ZBTB20: variants seen among roughly 807,000 people sequenced by gnomAD.
ZBTB20 encodes zinc finger and BTB domain-containing protein 20.
Under a neutral mutation model 56.9 loss-of-function variants are expected in ZBTB20, and 9 were observed. The ratio of observed to expected loss-of-function variants is 0.16; its 90% CI spans 0.10 to 0.28. ZBTB20 has a LOEUF of 0.28. Among genes scored for constraint, ZBTB20 ranks in the 10% least tolerant of loss-of-function variants. The probability of loss-of-function intolerance (pLI) is 1.00; values close to 1 mark genes in which losing one functional copy is unlikely to be tolerated. For synonymous variants in ZBTB20, 417 were observed against 420.7 expected, an observed-to-expected ratio of 0.99 and a Z score of 0.11; for missense variants, 655 against 1,003.0, an observed-to-expected ratio of 0.65 and a Z score of 4.69.
chr3:114,872,194 C>A (rs558361530), intron 4 of ZBTB20, among the ~76,000 whole-genome samples: 1 of 152,160 alleles, frequency 6.6e-6, no homozygotes, highest in African/African-American at 2.4e-5. Context: ...ATTCTTTCTT[C>A]TTGCTAGATT....
chr3:114,475,777 T>C (rs958266574), intron 7 of ZBTB20, among the ~76,000 whole-genome samples: 5 of 152,188 alleles, frequency 3.3e-5, no homozygotes, highest in African/African-American at 1.2e-4. Context: ...AACATTCAAA[T>C]ATGTAGCATT....
chr3:114,730,473 C>T (rs2065652793), intron 5 of ZBTB20, among the ~76,000 whole-genome samples: 1 of 152,138 alleles, frequency 6.6e-6, no homozygotes, highest in Non-Finnish European at 1.5e-5. Flanking sequence ...GCCCTAAGCT[C>T]CTACCAACTG....
chr3:114,968,985 T>C (rs1435317802), intron 3 of ZBTB20, among the ~76,000 whole-genome samples: 1 of 152,152 alleles, frequency 6.6e-6, no homozygotes, highest in Admixed American at 6.5e-5. Flanking sequence ...GGCAGATCAT[T>C]GAAGATAATT....
chr3:114,640,241 T>C (rs748832530), intron 6 of ZBTB20, among the ~76,000 whole-genome samples: 1 of 152,066 alleles, frequency 6.6e-6, no homozygotes, highest in African/African-American at 2.4e-5. Flanking sequence ...TAAATTTGCA[T>C]GGAAGCTCCC....
intron 6 of ZBTB20, among the ~76,000 whole-genome samples, chr3:114,575,930 A>G (rs1187350668): frequency 6.6e-6 from 1 of 152,218 alleles, no homozygotes; most frequent in Non-Finnish European, 1.5e-5. Context: ...TAATTGACAG[A>G]AAAGGTATTT....
chr3:115,123,601 C>T (rs531582072), intron 1 of ZBTB20, among the ~76,000 whole-genome samples: 2 of 152,260 alleles, frequency 1.3e-5, no homozygotes, highest in African/African-American at 4.8e-5. Context: ...ATGGCAATGA[C>T]TGAGGGAAGT....
intron 6 of ZBTB20, among the ~76,000 whole-genome samples, chr3:114,654,573 T>C (rs1220959069): frequency 1.2e-4 from 18 of 152,104 alleles, no homozygotes; most frequent in Admixed American, 9.2e-4. Flanking sequence ...AGAACATACA[T>C]ACAGGACTCT....
intron 6 of ZBTB20, among the ~76,000 whole-genome samples, chr3:114,529,987 T>C (rs1410407127): frequency 1.3e-5 from 2 of 152,236 alleles, no homozygotes; most frequent in South Asian, 2.1e-4. Context: ...TAGTCTACAA[T>C]GGACCACATA....
At chr3:115,011,053 G>T (rs1283989027) in intron 2 of ZBTB20, among the ~76,000 whole-genome samples, 1 of 151,718 alleles carries the variant, frequency 6.6e-6, no homozygotes, top group Non-Finnish European at 1.5e-5. Flanking sequence ...TGGATCAAGC[G>T]GAAGAAAGAA....
intron 6 of ZBTB20, among the ~76,000 whole-genome samples, chr3:114,561,795 A>G (rs2052089381): frequency 6.6e-6 from 1 of 152,104 alleles, no homozygotes; most frequent in South Asian, 2.1e-4. Context: ...AGCTCCTAAC[A>G]AGACAGTAAG....
At chr3:114,379,005 T>A (rs1244178798) in intron 10 of ZBTB20, 1 of 152,242 alleles carries the variant, frequency 6.6e-6, no homozygotes, top group Non-Finnish European at 1.5e-5. Flanking sequence ...CAACCTTAAA[T>A]AGAACAAGCT....
chr3:114,593,127 G>C (rs1399982716), intron 6 of ZBTB20, among the ~76,000 whole-genome samples: 1 of 152,168 alleles, frequency 6.6e-6, no homozygotes, highest in Admixed American at 6.5e-5. Flanking sequence ...CAACGACACT[G>C]TCCCCTGGGA....
chr3:114,380,280 G>C lies in ZBTB20; in HGVS notation c.136C>G (p.Pro46Ala), dbSNP rs1314566227. 6 of 1,537,132 alleles carry C rather than the reference G, an allele frequency of 3.9e-6. No homozygotes were observed. Among genetic ancestry groups the C allele is most frequent in the Non-Finnish European group, 5.2e-6 (6 of 1,146,854 alleles). The change falls in exon 10 of 12, where the codon CCA becomes GCA. Residue 46 changes from proline (P) to alanine (A), a missense_variant. Pro to Ala is a conservative substitution (Grantham distance 27). Around this residue, in one of 10 missense-constraint regions of ZBTB20, gnomAD observed 79 missense variants for 78.4 expected, o/e 1.01. Coordinates refer to ENST00000675478, the MANE Select transcript of ZBTB20 (RefSeq NM_001348800.3). ...LNFEAVLSPD[P>A]ALIHSTHSLT... Reference sequence around the variant, plus strand: ...GAATGTGTTGAGTGGATGAGGGCTGGGTCTGGAGACAAAACAGCTTCAAAG... The same window carrying C: ...GAATGTGTTGAGTGGATGAGGGCTGCGTCTGGAGACAAAACAGCTTCAAAG...
intron 7 of ZBTB20, among the ~76,000 whole-genome samples, chr3:114,494,410 A>C (rs114627410): frequency 2.2e-3 from 339 of 152,252 alleles, no homozygotes; most frequent in African/African-American, 7.9e-3. Flanking sequence ...CATCTCACTC[A>C]GTACTTCCTC....
chr3:115,056,740 T>C (rs966598810), intron 2 of ZBTB20, among the ~76,000 whole-genome samples: 7 of 152,158 alleles, frequency 4.6e-5, no homozygotes, highest in African/African-American at 7.2e-5. Flanking sequence ...AGTTGTTTAA[T>C]AGTCAAATCT....
At chr3:114,635,365 G>A (rs573373694) in intron 6 of ZBTB20, among the ~76,000 whole-genome samples, 43 of 152,148 alleles carry the variant, frequency 2.8e-4, no homozygotes, top group Admixed American at 1.2e-3. Flanking sequence ...GTAGAGACTG[G>A]GAAAGGTAGC....
At chr3:114,820,300 T>C (rs2073166513) in intron 4 of ZBTB20, among the ~76,000 whole-genome samples, 1 of 152,066 alleles carries the variant, frequency 6.6e-6, no homozygotes, top group African/African-American at 2.4e-5. Flanking sequence ...GAGTATTTTA[T>C]GACTCAGAAT....
chr3:114,717,847 A>G (rs181956575), intron 5 of ZBTB20, among the ~76,000 whole-genome samples: 185 of 151,942 alleles, frequency 1.2e-3, no homozygotes, highest in African/African-American at 4.3e-3. Context: ...ACAATTTAAC[A>G]CGGATAACCG....
At chr3:114,472,638 G>T (rs1468664194) in intron 7 of ZBTB20, among the ~76,000 whole-genome samples, 1 of 152,028 alleles carries the variant, frequency 6.6e-6, no homozygotes, top group Non-Finnish European at 1.5e-5. Context: ...AACCTGGGAG[G>T]TGGAGGTTGC....
Sources: gnomAD v4.1 joint callset for allele counts (sites outside exome capture counted in the v4.1 genomes callset) on GRCh38, gnomAD v4.1.1 for gene constraint, gnomAD v4.1.1 regional missense constraint, MANE v1.5 for transcripts, NCBI Gene and HGNC (gene_info 2026-07-23, HGNC 2026-07-21) for gene names.